Variants in PRAMEF2 observed in about 807,000 individuals in gnomAD.
The protein encoded by PRAMEF2 is PRAME family member 2.
In PRAMEF2, 35 loss-of-function variants were observed where a neutral mutation model predicts 38.0. That is an observed-to-expected ratio of 0.92 (90% CI 0.70 to 1.22). PRAMEF2 has a LOEUF of 1.22. PRAMEF2 is among the 50% of genes most tolerant of loss of function. PRAMEF2 has a pLI of 0.00. For missense variants in PRAMEF2, 562 were observed against 553.9 expected (o/e 1.01, Z -0.15); for synonymous variants, 240 against 232.4 (o/e 1.03, Z -0.30).
Position 12,859,116 on chromosome 1 carries a change from A to G in PRAMEF2, c.107A>G (p.Tyr36Cys). ...ATGGAGGAGCTGCCCAGGGTGCTCT[A>G]TCTCCCACTCTTCAGGGAGGCCTTC... ...SAMEELPRVL[Y>C]LPLFREAFSR... The change falls in exon 2 of 4, where the codon TAT becomes TGT. Residue 36 changes from tyrosine to cysteine, a missense_variant. Tyr to Cys is a radical substitution (Grantham distance 194, BLOSUM62 -2). Coordinates refer to ENST00000240189, the MANE Select transcript of PRAMEF2 (RefSeq NM_023014.1). 8 of 1,605,992 alleles carry G rather than the reference A, an allele frequency of 5.0e-6. No homozygotes were observed. The highest frequency in any genetic ancestry group is 6.8e-6 in the Non-Finnish European group (8 of 1,176,694).
intron 3 of PRAMEF2, among the ~76,000 whole-genome samples, chr1:12,860,874 G>A (rs971241315): frequency 6.7e-6 from 1 of 150,054 alleles, no homozygotes; most frequent in African/African-American, 2.5e-5. Context: ...TGTAGCCCTA[G>A]CTGATGTCCC....
chr1:12,857,749 G>C lies in PRAMEF2; in HGVS notation c.-26+602G>C, dbSNP rs533882831. Among the ~76,000 whole-genome samples the C allele has an allele frequency of 1.8e-4, 25 of 142,674 alleles. 2 individuals carry two copies. Among genetic ancestry groups the C allele is most frequent in the African/African-American group, 4.9e-4 (18 of 36,736 alleles). The allele number at this position is 142,674 out of a possible 152,430, so 93.6% of individuals were successfully genotyped here. ...AGTTTCCCTATTGTTGCCCAGGCTG[G>C]AGTGCCATGGTGTGGTTTGGCTCAC... On this transcript the variant is annotated intron_variant, in intron 1 of 3. Coordinates refer to ENST00000240189, the MANE Select transcript of PRAMEF2 (RefSeq NM_023014.1).
At position 12,858,119 on chromosome 1, in the gene PRAMEF2, G is replaced by A. The variant is rs553791565; in HGVS notation, c.-25-866G>A. On this transcript the variant is annotated intron_variant, in intron 1 of 3. Transcript: ENST00000240189. ...GTACTCTGAGTGCGTCACCCAGACT[G>A]GAGTGCAGGGCCCTGAGCTGGGCTC... Among the ~76,000 whole-genome samples the A allele has an allele frequency of 3.2e-4, 48 of 149,998 alleles. 3 individuals are homozygous for A. In the South Asian group the frequency reaches 0.01, roughly 32 times the overall value.
At position 12,861,674 on chromosome 1, in the gene PRAMEF2, A is replaced by G. The variant is rs749129858; in HGVS notation, c.1320A>G (p.Thr440=). 88 of 1,561,808 alleles carry G rather than the reference A, an allele frequency of 5.6e-5. 5 individuals are homozygous for G. The highest frequency in any genetic ancestry group is 4.6e-4 in the Middle Eastern group (2 of 4,346). ...FTPLRAELMC[T]LREFRQPKRI... is the part of the protein sequence containing the mutation. ...CACTTCGGGCTGAGCTGATGTGTAC[A>G]CTGAGGGAATTCAGGCAGCCCAAGA... The change falls in exon 4 of 4, where the codon ACA becomes ACG. Residue 440 remains threonine, a synonymous_variant. Coordinates refer to ENST00000240189, the MANE Select transcript of PRAMEF2 (RefSeq NM_023014.1).
At position 12,861,314 on chromosome 1, in the gene PRAMEF2, T is replaced by C. The variant is rs758681986; in HGVS notation, c.960T>C (p.Gly320=). Residue 320 remains glycine, a synonymous_variant, in exon 4 of 4, where the codon GGT becomes GGC. Transcript: ENST00000240189. The stretch of plus-strand genomic sequence containing the variant: ...GTCTCTCCCAGTTCCCAAGCCTCGG[T>C]TACCTAAAGCATCTGAATCTCAGCT... ...LKCLSQFPSL[G]YLKHLNLSYV... 1.9e-6 allele frequency: 3 copies of C among 1,607,064 alleles called. No individual in the cohort carries two copies. Among genetic ancestry groups the C allele is most frequent in the Non-Finnish European group, 2.5e-6 (3 of 1,176,688 alleles).
chr1:12,858,443 T>A lies in PRAMEF2; in HGVS notation c.-25-542T>A, dbSNP rs1030562290. ...TTCTCGAACTCCTGACCTCAAGTGATCTGCCTGCCTTGGTGTCCAGCAGTG... is the reference window on the plus strand; with the variant it reads ...TTCTCGAACTCCTGACCTCAAGTGAACTGCCTGCCTTGGTGTCCAGCAGTG... On this transcript the variant is annotated intron_variant, in intron 1 of 3. Transcript: ENST00000240189. Among the ~76,000 whole-genome samples the A allele has an allele frequency of 3.3e-5, 5 of 150,058 alleles. 1 individual carries two copies. Among genetic ancestry groups the A allele is most frequent in the African/African-American group, 1.2e-4 (5 of 40,862 alleles).
chr1:12,860,549 CG>C (rs768964195), intron 3 of PRAMEF2, among the ~76,000 whole-genome samples: 6 of 149,656 alleles, frequency 4.0e-5, no homozygotes, highest in Non-Finnish European at 8.9e-5. Context: ...TGGGGGTGCA[CG>C]TGTGAATTTC....
intron 1 of PRAMEF2, 82 bp from the exon 2 acceptor site, chr1:12,858,903 G>A (rs1640490564): frequency 2.1e-6 from 3 of 1,459,566 alleles, no homozygotes; most frequent in Non-Finnish European, 1.9e-6. Context: ...CTCTACCAGA[G>A]CAATGATATT....
intron 3 of PRAMEF2, 52 bp from the exon 4 acceptor site, chr1:12,861,169 A>C: frequency 1.9e-6 from 3 of 1,563,626 alleles, no homozygotes; most frequent in South Asian, 2.3e-5. Context: ...ATTCCCCACT[A>C]CCTTCATCTA....
In PRAMEF2 at chr1:12,860,452, G is replaced by A. The variant is rs900072712; in HGVS notation, c.866+181G>A. ...GTCCTGGAGTGGCTATCACAGGATC[G>A]CTCCAATAAGGGCAGAGGGGTCACC... is the stretch of plus-strand genomic sequence containing the variant. On this transcript the variant is annotated intron_variant, in intron 3 of 3. Coordinates refer to ENST00000240189, the MANE Select transcript of PRAMEF2 (RefSeq NM_023014.1). 3.9e-4 allele frequency among the ~76,000 whole-genome samples: 59 copies of A among 150,110 alleles called. 4 individuals are homozygous for A. The highest frequency in any genetic ancestry group is 7.3e-4 in the Non-Finnish European group (49 of 67,528).
chr1:12,858,964 C>T (rs9659511), intron 1 of PRAMEF2, 21 bp from the exon 2 acceptor site: 245,374 of 1,549,758 alleles, frequency 0.16, 22,535 homozygotes, highest in East Asian at 0.29. Context: ...GTGATACATT[C>T]TCCCTGGATT....
chr1:12,859,950 G>A lies in PRAMEF2; in HGVS notation c.545G>A (p.Cys182Tyr). 6.2e-7 allele frequency: 1 copy of A among 1,608,256 alleles called. No homozygotes were observed. Residue 182 changes from cysteine to tyrosine, a missense_variant, in exon 3 of 4, where the codon TGT (cysteine) becomes TAT (tyrosine). Around this residue, in one of 2 missense-constraint regions of PRAMEF2, gnomAD observed 486 missense variants for 444.2 expected, o/e 1.09. Transcript: ENST00000240189. ...YQRRGLVHLC[C>Y]SKLVNYLTPI... ...AGGAGAGGTTTAGTACACCTGTGCT[G>A]TAGTAAGCTGGTCAATTATCTAACG...
Position 12,861,662 on chromosome 1 carries a change from G to C in PRAMEF2, c.1308G>C (p.Glu436Asp). 6.3e-7 allele frequency: 1 copy of C among 1,590,564 alleles called. No individual in the cohort carries two copies. Among genetic ancestry groups the C allele is most frequent in the Non-Finnish European group, 8.6e-7 (1 of 1,167,004 alleles). Residue 436 changes from glutamate (E) to aspartate (D), a missense_variant, in exon 4 of 4, where the codon GAG becomes GAC. Glu to Asp is a conservative substitution (Grantham distance 45). Coordinates refer to ENST00000240189, the MANE Select transcript of PRAMEF2 (RefSeq NM_023014.1). The part of the protein sequence containing the change: ...NWEIFTPLRA[E>D]LMCTLREFRQ... ...AGATCTTCACCCCACTTCGGGCTGA[G>C]CTGATGTGTACACTGAGGGAATTCA... is the stretch of plus-strand genomic sequence containing the variant.
At chr1:12,860,586 A>T (rs1443358686) in intron 3 of PRAMEF2, among the ~76,000 whole-genome samples, 2 of 149,934 alleles carry the variant, frequency 1.3e-5, no homozygotes, top group Non-Finnish European at 3.0e-5. Context: ...TTTCAAGTTG[A>T]TATGATGTCA....
Position 12,858,879 on chromosome 1 carries a change from G to T in PRAMEF2, c.-25-106G>T, listed in dbSNP as rs771548034. 84 of 1,304,734 alleles carry T rather than the reference G, an allele frequency of 6.4e-5. 1 individual carries two copies. The highest frequency in any genetic ancestry group is 1.0e-4 in the Admixed American group (4 of 39,684). 80.8% of individuals were successfully genotyped at this position (1,304,734 alleles called of 1,614,324 possible). On this transcript the variant is annotated intron_variant, in intron 1 of 3. Coordinates refer to ENST00000240189, the MANE Select transcript of PRAMEF2 (RefSeq NM_023014.1). The stretch of plus-strand genomic sequence containing the variant: ...AAGCACAGTGGAATTGGGGTAAAGT[G>T]GTAATTTTTCTACCTCTACCAGAGC...
chr1:12,860,087 C>T lies in PRAMEF2; in HGVS notation c.682C>T (p.Leu228=), dbSNP rs1264719576. 1 of 1,606,562 alleles carries T rather than the reference C, an allele frequency of 6.2e-7. No homozygotes were observed. Among genetic ancestry groups the T allele is most frequent in the Non-Finnish European group, 8.5e-7 (1 of 1,176,412 alleles). Reference sequence around the variant, plus strand: ...TCTGATAAGAAAGCTTTATTGTTACCTGAAGGAGATGAAGACTCTTTGCAA... The same window carrying T: ...TCTGATAAGAAAGCTTTATTGTTACTTGAAGGAGATGAAGACTCTTTGCAA... ...PHLIRKLYCY[L]KEMKTLCKLV... The change falls in exon 3 of 4, where the codon CTG becomes TTG. Residue 228 remains leucine, a synonymous_variant. Transcript: ENST00000240189.
intron 1 of PRAMEF2, 65 bp from the exon 2 acceptor site, chr1:12,858,920 A>C: frequency 6.6e-7 from 1 of 1,513,128 alleles, no homozygotes; most frequent in Non-Finnish European, 8.9e-7. Flanking sequence ...TATTGGTCCT[A>C]GGAGAAGATG....
In PRAMEF2 at chr1:12,861,517, G is replaced by T. The variant is rs1235463531; in HGVS notation, c.1163G>T (p.Cys388Phe). Residue 388 changes from cysteine (C) to phenylalanine (F), a missense_variant, in exon 4 of 4, where the codon TGC becomes TTC. Physicochemically the swap from Cys to Phe is radical, Grantham distance 205. Transcript: ENST00000240189. ...ACCACCTTCTACTTTGGCAGCAATT[G>T]CATGTCTATTGACGCCCTGAAGGAC... ...QLTTFYFGSNCMSIDALKDLL... is the reference protein window; with the variant it reads ...QLTTFYFGSNFMSIDALKDLL... The T allele has an allele frequency of 1.2e-6, 2 of 1,605,642 alleles. No homozygotes were observed. Among genetic ancestry groups the T allele is most frequent in the Non-Finnish European group, 1.7e-6 (2 of 1,176,944 alleles).
At chr1:12,859,345 A>C in intron 2 of PRAMEF2, 49 bp downstream of exon 2, 1 of 1,606,306 alleles carries the variant, frequency 6.2e-7, no homozygotes, top group East Asian at 2.2e-5. Context: ...TGTCCAGGGA[A>C]AGAACAGCAG....
Sources: allele counts gnomAD v4.1 joint callset (sites outside exome capture counted in the v4.1 genomes callset), GRCh38; gene constraint gnomAD v4.1.1; regional missense constraint gnomAD v4.1.1; transcripts MANE v1.5; gene names NCBI Gene and HGNC (gene_info 2026-07-23, HGNC 2026-07-21).